Variants in CCDC42 observed in about 807,000 individuals in gnomAD.
CCDC42 encodes coiled-coil domain containing 42, also known as coiled-coil domain-containing protein 42.
A neutral mutation model predicts 40.8 loss-of-function variants in CCDC42; 38 were observed. The ratio of observed to expected loss-of-function variants is 0.93; its 90% CI spans 0.72 to 1.22. CCDC42 has a LOEUF of 1.22. Ranked by LOEUF, CCDC42 falls within the 50% of genes most tolerant of loss-of-function variation. CCDC42 has a pLI of 0.00. For synonymous variants in CCDC42, 135 were observed against 157.5 expected, an observed-to-expected ratio of 0.86 and a Z score of 1.07; for missense variants, 379 against 416.5, an observed-to-expected ratio of 0.91 and a Z score of 0.78.
In CCDC42 at chr17:8,741,488, C is replaced by G. The variant is rs2086643421; in HGVS notation, c.478G>C (p.Val160Leu). ...CTTGGACTCACCTCGGAGTTCTCCA[C>G]CACCTTCTCTAGGTACTTGTTGAAG... is the stretch of plus-strand genomic sequence containing the variant. ...YIFNKYLEKVVENSEFEEIHE... is the reference protein window; with the variant it reads ...YIFNKYLEKVLENSEFEEIHE... Residue 160 changes from valine (V) to leucine (L), a missense_variant, in exon 4 of 7, where the codon GTG (valine) becomes CTG (leucine). Physicochemically the swap from Val to Leu is conservative, Grantham distance 32 (BLOSUM62 1). Coordinates refer to ENST00000293845, the MANE Select transcript of CCDC42 (RefSeq NM_144681.3). 1 of 1,614,092 alleles carries G rather than the reference C, an allele frequency of 6.2e-7. No individual in the cohort carries two copies. The highest frequency in any genetic ancestry group is 1.3e-5 in the African/African-American group (1 of 74,946).
chr17:8,730,197 A>C lies in CCDC42; in HGVS notation c.884T>G (p.Phe295Cys). Residue 295 changes from phenylalanine to cysteine, a missense_variant, in exon 7 of 7, where the codon TTT becomes TGT. Phe to Cys is a radical substitution (Grantham distance 205). Coordinates refer to ENST00000293845, the MANE Select transcript of CCDC42 (RefSeq NM_144681.3). ...CCAGATGTCCGACCGGTCTTGGATA[A>C]ATTGCTGGATCTAGAAAGGCAAGGA... ...THKQLDMIQQ[F>C]IQDRSDIWAE... 1.9e-6 allele frequency: 3 copies of C among 1,613,668 alleles called. No individual in the cohort carries two copies. Among genetic ancestry groups the C allele is most frequent in the South Asian group, 1.1e-5 (1 of 91,066 alleles).
intron 6 of CCDC42, among the ~76,000 whole-genome samples, chr17:8,732,934 C>A (rs1326466400): frequency 6.6e-6 from 1 of 152,160 alleles, no homozygotes; most frequent in Non-Finnish European, 1.5e-5. Context: ...CTGTGTACCA[C>A]GTTCCTTGTT....
At chr17:8,734,390 A>G (rs2086597703) in intron 6 of CCDC42, among the ~76,000 whole-genome samples, 1 of 152,228 alleles carries the variant, frequency 6.6e-6, no homozygotes, top group Non-Finnish European at 1.5e-5. Context: ...CCTTTGGGCT[A>G]TAAAATAATT....
chr17:8,730,088 CA>C lies in CCDC42; in HGVS notation c.*41del. 1 of 1,591,708 alleles carries C rather than the reference CA, an allele frequency of 6.3e-7. No homozygotes were observed. The highest frequency in any genetic ancestry group is 2.2e-5 in the East Asian group (1 of 44,722). On this transcript the variant is annotated 3_prime_UTR_variant, in exon 7 of 7. Coordinates refer to ENST00000293845, the MANE Select transcript of CCDC42 (RefSeq NM_144681.3). ...ACCGCAGGCTCACGACTTCTTCTTT[CA>C]CGATCTCTGTCTCAGGACATTCTGG...
At chr17:8,732,289 A>G (rs1157762431) in intron 6 of CCDC42, among the ~76,000 whole-genome samples, 1 of 101,636 alleles carries the variant, frequency 9.8e-6, no homozygotes. Flanking sequence ...ACAGAGTGAG[A>G]CTCCGTCTCA....
chr17:8,739,698 A>G (rs116554612), intron 4 of CCDC42, among the ~76,000 whole-genome samples: 2,445 of 152,202 alleles, frequency 0.016, 75 homozygotes, highest in African/African-American at 0.053. Context: ...GCTTGCCATC[A>G]CGGCCAGCTA....
At chr17:8,739,494 A>T (rs73977406) in intron 4 of CCDC42, among the ~76,000 whole-genome samples, 4,529 of 152,186 alleles carry the variant, frequency 0.03, 233 homozygotes, top group African/African-American at 0.1. Context: ...CCATTCTAAG[A>T]TATATATTTT....
chr17:8,736,659 G>A (rs1020444339), intron 4 of CCDC42, among the ~76,000 whole-genome samples: 5 of 152,194 alleles, frequency 3.3e-5, no homozygotes, highest in Admixed American at 2.6e-4. Context: ...GCCTCTTTGG[G>A]GAAGGGCCAC....
At position 8,735,440 on chromosome 17, in the gene CCDC42, C is replaced by A; in HGVS notation, c.664G>T (p.Ala222Ser). 6.2e-7 allele frequency: 1 copy of A among 1,614,072 alleles called. No individual in the cohort carries two copies. The highest frequency in any genetic ancestry group is 1.1e-5 in the South Asian group (1 of 91,090). ...CGGTCAAAGCGCATCTGCAGCCTTG[C>A]CAGCTCATTGTTTTGCTGCAGGATC... ...DEILQQNNEL[A>S]RLQMRFDRAR... is the part of the protein sequence containing the mutation. The change falls in exon 5 of 7, where the codon GCA becomes TCA. Residue 222 changes from alanine (A) to serine (S), a missense_variant. Coordinates refer to ENST00000293845, the MANE Select transcript of CCDC42 (RefSeq NM_144681.3). This position sits in a 1 kb window ranked among gnomAD's most constrained non-coding sequence, Gnocchi z 4.7.
intron 3 of CCDC42, among the ~76,000 whole-genome samples, chr17:8,743,034 C>T (rs752262500): frequency 2.0e-5 from 3 of 152,186 alleles, no homozygotes; most frequent in African/African-American, 4.8e-5. Flanking sequence ...TCTTTGTGGC[C>T]GACGGCAATC....
chr17:8,739,165 C>T (rs1202092501), intron 4 of CCDC42, among the ~76,000 whole-genome samples: 1 of 152,114 alleles, frequency 6.6e-6, no homozygotes, highest in Non-Finnish European at 1.5e-5. Flanking sequence ...AGGAACGACG[C>T]CAGAGTTGAA....
chr17:8,735,026 C>T lies in CCDC42; in HGVS notation c.873+70G>A. ...TGCTTCTCTGTCAGGTTCATTCTTC[C>T]ACCCAACCAACTGGCAACCTCCTCG... On this transcript the variant is annotated intron_variant, in intron 6 of 6. Coordinates refer to ENST00000293845, the MANE Select transcript of CCDC42 (RefSeq NM_144681.3). The surrounding 1 kb of genome is among the most constrained non-coding windows in gnomAD (Gnocchi z 4.7). The T allele has an allele frequency of 6.5e-7, 1 of 1,548,246 alleles. No homozygotes were observed. The highest frequency in any genetic ancestry group is 8.9e-7 in the Non-Finnish European group (1 of 1,128,182).
chr17:8,740,881 G>C (rs1312371059), intron 4 of CCDC42, among the ~76,000 whole-genome samples: 2 of 152,148 alleles, frequency 1.3e-5, no homozygotes, highest in African/African-American at 4.8e-5. Flanking sequence ...TCTGTAAAAG[G>C]CTGATCAGCT....
rs764326420 is a variant in CCDC42 at position 8,735,060 on chromosome 17, G to A, written c.873+36C>T. The A allele has an allele frequency of 2.7e-5, 43 of 1,610,700 alleles. No homozygotes were observed. In the South Asian group the frequency reaches 3.2e-4, roughly 12 times the overall value. On this transcript the variant is annotated intron_variant, in intron 6 of 6. Coordinates refer to ENST00000293845, the MANE Select transcript of CCDC42 (RefSeq NM_144681.3). This position sits in a 1 kb window ranked among gnomAD's most constrained non-coding sequence, Gnocchi z 4.7. ...AACTGGCAACCTCCTCGGCCCAGCC[G>A]ACCCCACGGGCCCAGTGCCTGTCCC...
chr17:8,744,407 G>A, intron 1 of CCDC42, 120 bp downstream of exon 1: 2 of 873,930 alleles, frequency 2.3e-6, no homozygotes, highest in South Asian at 2.9e-5. Context: ...TGGTGCCAAG[G>A]TTATTTGGGG....
rs958920155 is a variant in CCDC42 at position 8,735,875 on chromosome 17, A to G, written c.493-264T>C. On this transcript the variant is annotated intron_variant, in intron 4 of 6. Coordinates refer to ENST00000293845, the MANE Select transcript of CCDC42 (RefSeq NM_144681.3). The surrounding 1 kb of genome is among the most constrained non-coding windows in gnomAD (Gnocchi z 4.7). ...TTTTCGACTTTAACTGCATGTGAGA[A>G]TCACCTGTAGGGGCTTTAAAAAGGA... Among the ~76,000 whole-genome samples the G allele has an allele frequency of 1.3e-5, 2 of 152,180 alleles. No individual in the cohort carries two copies. Among genetic ancestry groups the G allele is most frequent in the African/African-American group, 4.8e-5 (2 of 41,448 alleles).
Position 8,735,164 on chromosome 17 carries a change from T to A in CCDC42, c.805A>T (p.Ile269Phe). The A allele has an allele frequency of 6.2e-7, 1 of 1,614,176 alleles. No individual in the cohort carries two copies. The highest frequency in any genetic ancestry group is 8.5e-7 in the Non-Finnish European group (1 of 1,180,026). The change falls in exon 6 of 7, where the codon ATC becomes TTC. Residue 269 changes from isoleucine to phenylalanine, a missense_variant. Ile to Phe is a conservative substitution (Grantham distance 21, BLOSUM62 0). Coordinates refer to ENST00000293845, the MANE Select transcript of CCDC42 (RefSeq NM_144681.3). The surrounding 1 kb of genome is among the most constrained non-coding windows in gnomAD (Gnocchi z 4.7). ...IKMATLNLFQ[I>F]VSKHLKEVTE... is the part of the protein sequence containing the mutation. Reference sequence around the variant, plus strand: ...ACCTCCTTCAGGTGCTTGCTCACGATCTGGAAGAGGTTCAGCGTGGCCATC... The same window carrying A: ...ACCTCCTTCAGGTGCTTGCTCACGAACTGGAAGAGGTTCAGCGTGGCCATC...
chr17:8,735,078 C>T lies in CCDC42; in HGVS notation c.873+18G>A. 4.3e-6 allele frequency: 7 copies of T among 1,613,860 alleles called. No homozygotes were observed. Among genetic ancestry groups the T allele is most frequent in the Non-Finnish European group, 5.1e-6 (6 of 1,179,896 alleles). On this transcript the variant is annotated intron_variant, in intron 6 of 6. Coordinates refer to ENST00000293845, the MANE Select transcript of CCDC42 (RefSeq NM_144681.3). The surrounding 1 kb of genome is among the most constrained non-coding windows in gnomAD (Gnocchi z 4.7). ...CCCAGCCGACCCCACGGGCCCAGTG[C>T]CTGTCCCCTCCTCCTACCATGTCCA... is the stretch of plus-strand genomic sequence containing the variant.
chr17:8,732,343 A>C (rs2086586550), intron 6 of CCDC42, among the ~76,000 whole-genome samples: 1 of 123,800 alleles, frequency 8.1e-6, no homozygotes, highest in South Asian at 2.4e-4. Flanking sequence ...GTACTCCTGA[A>C]CCTAAAATTA....
Sources: gnomAD v4.1 joint callset for allele counts (sites outside exome capture counted in the v4.1 genomes callset) on GRCh38, gnomAD v4.1.1 for gene constraint, Gnocchi (gnomAD v3.1) non-coding constraint, MANE v1.5 for transcripts, NCBI Gene and HGNC (gene_info 2026-07-23, HGNC 2026-07-21) for gene names.